Variants in CD2AP observed in about 807,000 individuals in gnomAD.
CD2AP encodes CD2-associated protein.
A neutral mutation model predicts 85.1 loss-of-function variants in CD2AP; 46 were observed. The observed-to-expected ratio is 0.54, with a 90% confidence interval of 0.43 to 0.69. The LOEUF is 0.69. Among genes scored for constraint, CD2AP ranks in the 30% least tolerant of loss-of-function variants. The pLI is 0.00. For missense variants in CD2AP, 769 were observed against 729.5 expected (o/e 1.05, Z -0.62); for synonymous variants, 255 against 252.9 (o/e 1.01, Z -0.08).
At position 47,599,267 on chromosome 6, in the gene CD2AP, C is replaced by G. The variant is rs768186886; in HGVS notation, c.1275-34C>G. 3.3e-5 allele frequency: 53 copies of G among 1,593,028 alleles called. 1 individual carries two copies. The Admixed American group carries it at 8.9e-4, about 27-fold the overall frequency. On this transcript the variant is annotated intron_variant, in intron 12 of 17. Transcript: ENST00000359314. ...ATTTAAAAAAAAGTCGTGTTTCATA[C>G]TAGTGATTTTTGCGTGTTTTTTTCT...
At chr6:47,491,846 A>G (rs1765744329) in intron 1 of CD2AP, among the ~76,000 whole-genome samples, 1 of 152,140 alleles carries the variant, frequency 6.6e-6, no homozygotes, top group African/African-American at 2.4e-5. Flanking sequence ...AACAACTAGT[A>G]AACCCATTAA....
At chr6:47,508,357 C>G (rs1207829388) in intron 2 of CD2AP, among the ~76,000 whole-genome samples, 1 of 152,162 alleles carries the variant, frequency 6.6e-6, no homozygotes, top group African/African-American at 2.4e-5. Context: ...GAAATGGCTT[C>G]TTTCCTTGAA....
At chr6:47,549,757 G>T (rs893009809) in intron 4 of CD2AP, among the ~76,000 whole-genome samples, 3 of 151,920 alleles carry the variant, frequency 2.0e-5, no homozygotes, top group African/African-American at 7.2e-5. Context: ...GCCAAAGCAG[G>T]ACTAAGCAAA....
At chr6:47,495,209 G>A (rs1449213591) in intron 1 of CD2AP, among the ~76,000 whole-genome samples, 1 of 152,098 alleles carries the variant, frequency 6.6e-6, no homozygotes, top group Non-Finnish European at 1.5e-5. Flanking sequence ...TAAGGATTTC[G>A]AGATGAAGAA....
At chr6:47,603,952 A>G (rs1308262392) in intron 13 of CD2AP, among the ~76,000 whole-genome samples, 1 of 151,960 alleles carries the variant, frequency 6.6e-6, no homozygotes, top group Non-Finnish European at 1.5e-5. Flanking sequence ...ATTTATTCTA[A>G]CCCTTTTGGT....
chr6:47,604,036 A>AT (rs1769209038), intron 13 of CD2AP, among the ~76,000 whole-genome samples: 1 of 152,046 alleles, frequency 6.6e-6, no homozygotes, highest in African/African-American at 2.4e-5. Flanking sequence ...TTTTGATAAT[A>AT]TTTTTTAAGA....
intron 1 of CD2AP, among the ~76,000 whole-genome samples, chr6:47,481,972 G>C (rs1294368208): frequency 2.0e-5 from 3 of 151,812 alleles, no homozygotes; most frequent in African/African-American, 7.3e-5. Flanking sequence ...TCTTGCCCAG[G>C]CTAGTCTCAA....
intron 2 of CD2AP, among the ~76,000 whole-genome samples, chr6:47,516,469 T>C (rs1236503016): frequency 6.6e-6 from 1 of 152,242 alleles, no homozygotes; most frequent in Middle Eastern, 3.2e-3. Context: ...TTGCTTTATA[T>C]GCAAAAGAAC....
At chr6:47,547,758 T>C (rs755733034) in intron 4 of CD2AP, among the ~76,000 whole-genome samples, 14 of 152,128 alleles carry the variant, frequency 9.2e-5, no homozygotes, top group Non-Finnish European at 1.6e-4. Flanking sequence ...TTCTCCAAGA[T>C]AGACCATATG....
chr6:47,609,772 C>CA (rs1443644207), intron 16 of CD2AP, among the ~76,000 whole-genome samples: 1 of 151,974 alleles, frequency 6.6e-6, no homozygotes, highest in African/African-American at 2.4e-5. Context: ...CTCTTTTTGG[C>CA]AAAAAAGTTA....
intron 1 of CD2AP, among the ~76,000 whole-genome samples, chr6:47,490,319 C>A (rs1462246459): frequency 1.3e-5 from 2 of 152,098 alleles, no homozygotes; most frequent in East Asian, 3.9e-4. Context: ...AACTGTTACA[C>A]ATTGGTCTTT....
chr6:47,533,898 C>T (rs1766958641), intron 3 of CD2AP, 143 bp downstream of exon 3: 1 of 738,812 alleles, frequency 1.4e-6, no homozygotes, highest in Non-Finnish European at 2.2e-6. Context: ...CTAGTTATTG[C>T]CCTGTGTAGT....
At chr6:47,580,780 TTTAGA>T (rs1768456080) in intron 9 of CD2AP, 79 bp from the exon 10 acceptor site, 3 of 920,794 alleles carry the variant, frequency 3.3e-6, no homozygotes, top group Non-Finnish European at 5.3e-6. Flanking sequence ...ATTTGTATAA[TTTAGA>T]TTATTACTAA....
chr6:47,617,105 C>T (rs766411348), intron 17 of CD2AP, among the ~76,000 whole-genome samples: 1 of 152,152 alleles, frequency 6.6e-6, no homozygotes, highest in Non-Finnish European at 1.5e-5. Flanking sequence ...GCTGAGACTA[C>T]AGGCATGCAC....
chr6:47,533,340 T>TG (rs891642965), intron 2 of CD2AP, among the ~76,000 whole-genome samples: 18 of 152,078 alleles, frequency 1.2e-4, no homozygotes, highest in African/African-American at 4.3e-4. Context: ...TCTTTGTAGT[T>TG]GGGGTGAGTG....
intron 2 of CD2AP, among the ~76,000 whole-genome samples, chr6:47,519,477 C>G (rs890343450): frequency 6.6e-6 from 1 of 152,108 alleles, no homozygotes; most frequent in African/African-American, 2.4e-5. Context: ...TGTTTGACTT[C>G]TTTTGATGAC....
At chr6:47,535,640 T>C (rs1222222976) in intron 3 of CD2AP, among the ~76,000 whole-genome samples, 1 of 152,236 alleles carries the variant, frequency 6.6e-6, no homozygotes, top group Non-Finnish European at 1.5e-5. Flanking sequence ...TTGCATATTA[T>C]ATATACTGCT....
chr6:47,505,196 C>CCTGA, intron 2 of CD2AP, among the ~76,000 whole-genome samples: 1 of 144,246 alleles, frequency 6.9e-6, no homozygotes, highest in Admixed American at 6.9e-5. Flanking sequence ...TGTTTGTGTC[C>CCTGA]CTGATTACTT....
rs80109522 is a variant in CD2AP at position 47,580,564 on chromosome 6, T to G, written c.1009-300T>G. 7.9e-3 allele frequency among the ~76,000 whole-genome samples: 1,197 copies of G among 152,186 alleles called. 14 individuals carry two copies. Among genetic ancestry groups the G allele is most frequent in the African/African-American group, 0.027 (1,118 of 41,516 alleles). ...AAAATGGTACTTAGGAATCTTAACCTAGGGGAGGCAGAGCAGAACATTTTT... is the reference window on the plus strand; with the variant it reads ...AAAATGGTACTTAGGAATCTTAACCGAGGGGAGGCAGAGCAGAACATTTTT... On this transcript the variant is annotated intron_variant, in intron 9 of 17. Coordinates refer to ENST00000359314, the MANE Select transcript of CD2AP (RefSeq NM_012120.3).
Sources: allele counts gnomAD v4.1 joint callset (sites outside exome capture counted in the v4.1 genomes callset), GRCh38; gene constraint gnomAD v4.1.1; transcripts MANE v1.5; gene names NCBI Gene and HGNC (gene_info 2026-07-23, HGNC 2026-07-21).